The following RAD54L2 variants were observed in gnomAD, a reference collection of about 807,000 sequenced individuals.
RAD54L2 encodes the protein helicase ARIP4.
RAD54L2 carries 27 observed loss-of-function variants against 138.4 expected under a neutral mutation model. That is an observed-to-expected ratio of 0.20 (90% CI 0.14 to 0.27). RAD54L2 has a LOEUF of 0.27. RAD54L2 is among the 10% of genes least tolerant of loss of function. The pLI, the probability that RAD54L2 is intolerant of heterozygous loss-of-function variation, is 1.00. For synonymous variants in RAD54L2, 644 were observed against 723.2 expected, an observed-to-expected ratio of 0.89 and a Z score of 1.76; for missense variants, 1,396 against 1,890.2, an observed-to-expected ratio of 0.74 and a Z score of 4.85.
At chr3:51,559,774 A>G (rs1396438303) in intron 2 of RAD54L2, among the ~76,000 whole-genome samples, 1 of 152,234 alleles carries the variant, frequency 6.6e-6, no homozygotes, top group African/African-American at 2.4e-5. Flanking sequence ...TTATACCCAT[A>G]TTGAAAATAA....
At chr3:51,634,521 C>A (rs1048163213) in intron 9 of RAD54L2, among the ~76,000 whole-genome samples, 1 of 152,034 alleles carries the variant, frequency 6.6e-6, no homozygotes, top group Non-Finnish European at 1.5e-5. Flanking sequence ...AGGCACCCAT[C>A]ACCATGTCCG....
chr3:51,613,756 C>T (rs985124606), intron 3 of RAD54L2, among the ~76,000 whole-genome samples: 3 of 143,058 alleles, frequency 2.1e-5, no homozygotes, highest in African/African-American at 5.3e-5. Flanking sequence ...TAGAGTGAGA[C>T]TCTGTCTCCA....
intron 3 of RAD54L2, among the ~76,000 whole-genome samples, chr3:51,592,700 G>T (rs755832887): frequency 6.6e-6 from 1 of 151,462 alleles, no homozygotes; most frequent in Non-Finnish European, 1.5e-5. Context: ...TCAGCCTCCT[G>T]AGTAGCTGAG....
intron 3 of RAD54L2, among the ~76,000 whole-genome samples, chr3:51,605,420 A>AGAAACAGG (rs1700159661): frequency 6.8e-6 from 1 of 148,012 alleles, no homozygotes; most frequent in South Asian, 2.2e-4. Context: ...TTTAGAATAC[A>AGAAACAGG]GAAACAGGAT....
chr3:51,641,878 T>C lies in RAD54L2; in HGVS notation c.2350+11T>C. On this transcript the variant is annotated intron_variant, in intron 15 of 22. Transcript: ENST00000684192. The stretch of plus-strand genomic sequence containing the variant: ...ACATCAGCTACTTCCGTGAGTTCAT[T>C]GTTGCGTTGTTCTTGAAGCCTTGGC... 1.3e-6 allele frequency: 2 copies of C among 1,548,032 alleles called. No homozygotes were observed. The highest frequency in any genetic ancestry group is 1.8e-6 in the Non-Finnish European group (2 of 1,138,924).
intron 2 of RAD54L2, among the ~76,000 whole-genome samples, chr3:51,567,706 C>CTTTTAATT (rs1053273932): frequency 9.1e-4 from 139 of 151,916 alleles, no homozygotes; most frequent in African/African-American, 3.2e-3. Context: ...TGTAATTATT[C>CTTTTAATT]TTTTAATTTT....
intron 3 of RAD54L2, among the ~76,000 whole-genome samples, chr3:51,593,213 C>T (rs1699876476): frequency 6.6e-6 from 1 of 152,026 alleles, no homozygotes; most frequent in African/African-American, 2.4e-5. Flanking sequence ...TGCTATTAAA[C>T]ATCCTACAAT....
intron 3 of RAD54L2, among the ~76,000 whole-genome samples, chr3:51,618,915 A>G: frequency 6.6e-6 from 1 of 152,132 alleles, no homozygotes; most frequent in Non-Finnish European, 1.5e-5. Context: ...TGTGGGTGGG[A>G]AATTGCTGAA....
intron 3 of RAD54L2, among the ~76,000 whole-genome samples, chr3:51,604,293 G>C (rs2106741539): frequency 6.6e-6 from 1 of 152,266 alleles, no homozygotes; most frequent in East Asian, 1.9e-4. Flanking sequence ...ATCTGGAATT[G>C]ATTTTTGTAT....
intron 22 of RAD54L2, among the ~76,000 whole-genome samples, chr3:51,660,863 G>A (rs999448616): frequency 6.0e-5 from 9 of 149,982 alleles, no homozygotes; most frequent in East Asian, 2.0e-4. Flanking sequence ...CTCGGGATCC[G>A]CCTGCCTCGG....
chr3:51,572,414 C>T (rs1005134771), intron 2 of RAD54L2, among the ~76,000 whole-genome samples: 3 of 147,634 alleles, frequency 2.0e-5, no homozygotes, highest in Non-Finnish European at 4.4e-5. Context: ...GATTGTGCCA[C>T]GGCACTGTAG....
At chr3:51,601,040 A>G (rs992734141) in intron 3 of RAD54L2, among the ~76,000 whole-genome samples, 1 of 152,200 alleles carries the variant, frequency 6.6e-6, no homozygotes, top group African/African-American at 2.4e-5. Context: ...AAATGTATTG[A>G]TGCTGTTGGA....
Position 51,645,234 on chromosome 3 carries a change from G to C in RAD54L2, c.2656+5G>C. 6.2e-7 allele frequency: 1 copy of C among 1,606,394 alleles called. No homozygotes were observed. The highest frequency in any genetic ancestry group is 8.5e-7 in the Non-Finnish European group (1 of 1,175,434). ...TTTCCAAGCAGGGCATGTCAGGTGGGCCATCTTCCAGACTTCGGAGAGGCA... is the reference window on the plus strand; with the variant it reads ...TTTCCAAGCAGGGCATGTCAGGTGGCCCATCTTCCAGACTTCGGAGAGGCA... On this transcript the variant is annotated splice_donor_5th_base_variant and intron_variant, in intron 17 of 22. Coordinates refer to ENST00000684192, the MANE Select transcript of RAD54L2 (RefSeq NM_015106.4). This position sits in a 1 kb window ranked among gnomAD's most constrained non-coding sequence, Gnocchi z 6.1.
chr3:51,656,583 G>A (rs370579921), intron 20 of RAD54L2, among the ~76,000 whole-genome samples: 4 of 152,226 alleles, frequency 2.6e-5, no homozygotes, highest in East Asian at 3.9e-4. Context: ...CTACCTTTGC[G>A]AGTTTGATAT....
chr3:51,605,455 T>G (rs866791967), intron 3 of RAD54L2, among the ~76,000 whole-genome samples: 3 of 147,146 alleles, frequency 2.0e-5, no homozygotes, highest in Non-Finnish European at 3.0e-5. Context: ...TTGAGGGTTT[T>G]TTTTTTTTTT....
chr3:51,636,787 G>T (rs570781739), intron 10 of RAD54L2, among the ~76,000 whole-genome samples: 1 of 152,248 alleles, frequency 6.6e-6, no homozygotes, highest in South Asian at 2.1e-4. Flanking sequence ...CAAAAAATTA[G>T]CCAGGCATGG....
intron 2 of RAD54L2, among the ~76,000 whole-genome samples, chr3:51,549,655 G>A (rs1231393889): frequency 6.6e-6 from 1 of 151,824 alleles, no homozygotes; most frequent in East Asian, 1.9e-4. Flanking sequence ...GTACACACCT[G>A]CAATCCTAGC....
chr3:51,565,967 T>A lies in RAD54L2; in HGVS notation c.-55+24317T>A, dbSNP rs191096884. On this transcript the variant is annotated intron_variant, in intron 2 of 22. Coordinates refer to ENST00000684192, the MANE Select transcript of RAD54L2 (RefSeq NM_015106.4). ...CCTCAGCCTCCCAAGTAGCTGGGAC[T>A]ACAGGCGCCCGCCACCATGTCTGGC... is the stretch of plus-strand genomic sequence containing the variant. Among the ~76,000 whole-genome samples, 685 of 152,066 alleles carry A rather than the reference T, an allele frequency of 4.5e-3. 4 individuals are homozygous for A. Among genetic ancestry groups the A allele is most frequent in the African/African-American group, 0.016 (658 of 41,490 alleles).
At chr3:51,572,093 A>G (rs537896797) in intron 2 of RAD54L2, among the ~76,000 whole-genome samples, 2 of 152,312 alleles carry the variant, frequency 1.3e-5, no homozygotes, top group South Asian at 4.1e-4. Flanking sequence ...GCATTAGACT[A>G]GAGAGAGACT....
Sources: allele counts gnomAD v4.1 joint callset (sites outside exome capture counted in the v4.1 genomes callset), GRCh38; gene constraint gnomAD v4.1.1; non-coding constraint Gnocchi (gnomAD v3.1); transcripts MANE v1.5; gene names NCBI Gene and HGNC (gene_info 2026-07-23, HGNC 2026-07-21).